Variants in LNPEP observed in about 807,000 individuals in gnomAD.
LNPEP encodes the protein leucyl-cystinyl aminopeptidase.
Under a neutral mutation model 120.6 loss-of-function variants are expected in LNPEP, and 64 were observed. The observed-to-expected ratio is 0.53, with a 90% confidence interval of 0.43 to 0.65. The LOEUF (loss-of-function observed/expected upper bound fraction) is 0.65, where lower values mean the gene tolerates loss of function less well. Ranked by LOEUF, LNPEP falls within the 30% of genes least tolerant of loss-of-function variation. LNPEP has a pLI of 0.00. For missense variants in LNPEP, 1,057 were observed against 1,200.0 expected, an observed-to-expected ratio of 0.88 and a Z score of 1.76; for synonymous variants, 435 against 425.4, an observed-to-expected ratio of 1.02 and a Z score of -0.28.
chr5:97,003,443 C>G lies in LNPEP; in HGVS notation c.1682C>G (p.Thr561Ser), dbSNP rs760398295. The G allele has an allele frequency of 3.8e-6, 6 of 1,578,804 alleles. No individual in the cohort carries two copies. The Admixed American group carries it at 1.0e-4, about 27-fold the overall frequency. ...TCTTCTCTCTTGTTGATGTTGAAAACTTACCTTAGTGAAGATGTGTTTCAA... is the reference window on the plus strand; with the variant it reads ...TCTTCTCTCTTGTTGATGTTGAAAAGTTACCTTAGTGAAGATGTGTTTCAA... The part of the protein sequence containing the change: ...KGSSLLLMLK[T>S]YLSEDVFQHA... Residue 561 changes from threonine (T) to serine (S), a missense_variant, in exon 9 of 18, where the codon ACT becomes AGT. Coordinates refer to ENST00000231368, the MANE Select transcript of LNPEP (RefSeq NM_005575.3).
intron 7 of LNPEP, 28 bp downstream of exon 7, chr5:96,996,531 A>G (rs754988565): frequency 1.1e-5 from 12 of 1,120,736 alleles, no homozygotes; most frequent in Admixed American, 6.9e-5. Flanking sequence ...TTGGCCTACT[A>G]TGAATGCTAG....
intron 11 of LNPEP, chr5:97,010,200 C>G: frequency 1.2e-6 from 1 of 850,566 alleles, no homozygotes; most frequent in Non-Finnish European, 1.4e-6. Context: ...TCCTCCCTCT[C>G]TCTCTCTCTT....
intron 1 of LNPEP, chr5:96,943,222 TTA>T: frequency 4.4e-6 from 1 of 225,918 alleles, no homozygotes; most frequent in Non-Finnish European, 8.2e-6. Context: ...TACCAGTTGT[TTA>T]AAAAAAAAAA....
At chr5:97,010,423 C>T in intron 11 of LNPEP, 1 of 984,872 alleles carries the variant, frequency 1.0e-6, no homozygotes, top group Non-Finnish European at 1.2e-6. Flanking sequence ...ATTCTCTGCT[C>T]TTGCCTTTTT....
At chr5:96,958,385 A>G (rs1056876657) in intron 1 of LNPEP, 5 of 682,318 alleles carry the variant, frequency 7.3e-6, no homozygotes, top group Non-Finnish European at 9.0e-6. Context: ...CTATTTTGCA[A>G]GTTAATTGAA....
intron 1 of LNPEP, among the ~76,000 whole-genome samples, chr5:96,945,665 A>G (rs1202149593): frequency 1.3e-5 from 2 of 152,166 alleles, no homozygotes; most frequent in East Asian, 1.9e-4. Context: ...CAGTTGTGCC[A>G]GAATTCCAAA....
intron 1 of LNPEP, among the ~76,000 whole-genome samples, chr5:96,947,432 G>A (rs569058153): frequency 1.4e-4 from 22 of 152,260 alleles, no homozygotes; most frequent in African/African-American, 4.1e-4. Context: ...CTAAAAGAGC[G>A]TATCTTTATG....
rs1210191536 is a variant in LNPEP at position 97,034,037 on chromosome 5, C to T, written c.*5504C>T. The stretch of plus-strand genomic sequence containing the variant: ...CTATATTGTATTATTTCATGCTGTA[C>T]CCAGTCCATTGCTTGGACTTACGGG... On this transcript the variant is annotated 3_prime_UTR_variant, in exon 18 of 18. Transcript: ENST00000231368. The T allele has an allele frequency of 6.6e-6, 1 of 151,980 alleles. No individual in the cohort carries two copies. Among genetic ancestry groups the T allele is most frequent in the Non-Finnish European group, 1.5e-5 (1 of 67,998 alleles). The allele number at this position is 151,980 out of a possible 1,614,324, so 9.4% of individuals were successfully genotyped here.
Position 96,979,326 on chromosome 5 carries a change from T to A in LNPEP, c.208T>A (p.Tyr70Asn), listed in dbSNP as rs774485506. Reference sequence around the variant, plus strand: ...TGAGATGGAGGAGGATGAAGAGGATTATGAGTCATCAGCAAAGCTGCTGGG... The same window carrying A: ...TGAGATGGAGGAGGATGAAGAGGATAATGAGTCATCAGCAAAGCTGCTGGG... ...EHEMEEDEEDYESSAKLLGMS... is the reference protein window; with the variant it reads ...EHEMEEDEEDNESSAKLLGMS... The change falls in exon 2 of 18, where the codon TAT becomes AAT. Residue 70 changes from tyrosine to asparagine, a missense_variant. Coordinates refer to ENST00000231368, the MANE Select transcript of LNPEP (RefSeq NM_005575.3). 7 of 1,613,954 alleles carry A rather than the reference T, an allele frequency of 4.3e-6. No individual in the cohort carries two copies. In the South Asian group the frequency reaches 7.7e-5, roughly 18 times the overall value.
chr5:97,011,787 A>G (rs1356437865), intron 11 of LNPEP, among the ~76,000 whole-genome samples: 2 of 152,348 alleles, frequency 1.3e-5, no homozygotes, highest in South Asian at 2.1e-4. Context: ...AGAAATAAGT[A>G]CGGAATTTTT....
At chr5:96,938,342 CCT>C (rs1376540092) in intron 1 of LNPEP, among the ~76,000 whole-genome samples, 3 of 152,158 alleles carry the variant, frequency 2.0e-5, no homozygotes, top group African/African-American at 7.2e-5. Flanking sequence ...ACACGTTCAT[CCT>C]CTTTTAATGG....
At chr5:97,021,944 T>C (rs2112668308) in intron 13 of LNPEP, among the ~76,000 whole-genome samples, 1 of 143,032 alleles carries the variant, frequency 7.0e-6, no homozygotes, top group African/African-American at 2.6e-5. Context: ...TTTTTTTTTT[T>C]TTTTTGAGGC....
intron 1 of LNPEP, among the ~76,000 whole-genome samples, chr5:96,947,740 T>C (rs915269100): frequency 6.6e-6 from 1 of 152,206 alleles, no homozygotes. Flanking sequence ...TTTATATTAG[T>C]TGTATATTCC....
At chr5:96,939,234 GAC>G (rs1288276633) in intron 1 of LNPEP, among the ~76,000 whole-genome samples, 1 of 133,800 alleles carries the variant, frequency 7.5e-6, no homozygotes, top group Non-Finnish European at 1.6e-5. Context: ...TTTTTTTTGA[GAC>G]ACAGTCTCAC....
chr5:96,986,267 G>A, intron 3 of LNPEP, among the ~76,000 whole-genome samples: 1 of 152,146 alleles, frequency 6.6e-6, no homozygotes, highest in East Asian at 1.9e-4. Flanking sequence ...CAGAACCAAT[G>A]TGACTATCTT....
intron 4 of LNPEP, among the ~76,000 whole-genome samples, chr5:96,989,390 AATATATT>A (rs1313147126): frequency 1.3e-3 from 29 of 22,268 alleles, no homozygotes; most frequent in East Asian, 8.4e-3. Flanking sequence ...TATTATATAC[AATATATT>A]ATATATTATA....
chr5:97,032,674 T>C lies in LNPEP; in HGVS notation c.*4141T>C, dbSNP rs1056632449. On this transcript the variant is annotated 3_prime_UTR_variant, in exon 18 of 18. Transcript: ENST00000231368. ...GTGATGTTGAGAGGAGAGCAAGCTATATTCTTTTAAAAGTGTGTACAGATG... is the reference window on the plus strand; with the variant it reads ...GTGATGTTGAGAGGAGAGCAAGCTACATTCTTTTAAAAGTGTGTACAGATG... 6.6e-6 allele frequency: 1 copy of C among 152,226 alleles called. No homozygotes were observed. 9.4% of individuals were successfully genotyped at this position (152,226 alleles called of 1,614,324 possible).
intron 1 of LNPEP, among the ~76,000 whole-genome samples, chr5:96,948,630 A>C (rs1380687312): frequency 1.3e-5 from 2 of 152,186 alleles, no homozygotes; most frequent in Non-Finnish European, 2.9e-5. Flanking sequence ...ATATTAACGT[A>C]GCATGGTCCC....
At chr5:96,993,690 A>G in intron 5 of LNPEP, 127 bp from the exon 6 acceptor site, 1 of 901,374 alleles carries the variant, frequency 1.1e-6, no homozygotes, top group Non-Finnish European at 1.7e-6. Flanking sequence ...AATAAGGAAG[A>G]TTCCATTTAT....
Sources: gnomAD v4.1 joint callset for allele counts (sites outside exome capture counted in the v4.1 genomes callset) on GRCh38, gnomAD v4.1.1 for gene constraint, MANE v1.5 for transcripts, NCBI Gene and HGNC (gene_info 2026-07-23, HGNC 2026-07-21) for gene names.